Variants in ANLN observed in about 807,000 individuals in gnomAD.
ANLN encodes anillin.
Under a neutral mutation model 135.1 loss-of-function variants are expected in ANLN, and 59 were observed. That is an observed-to-expected ratio of 0.44 (90% CI 0.35 to 0.54). The LOEUF (loss-of-function observed/expected upper bound fraction) is 0.54. Ranked by LOEUF, ANLN falls within the 20% of genes least tolerant of loss-of-function variation. ANLN has a pLI of 0.00. For synonymous variants in ANLN, 406 were observed against 456.4 expected, an observed-to-expected ratio of 0.89 and a Z score of 1.41; for missense variants, 1,182 against 1,340.0, an observed-to-expected ratio of 0.88 and a Z score of 1.84.
chr7:36,399,581 A>T (rs2116528981), intron 3 of ANLN, among the ~76,000 whole-genome samples, 188 bp downstream of exon 3: 1 of 152,306 alleles, frequency 6.6e-6, no homozygotes, highest in East Asian at 1.9e-4. Context: ...ACTGAAGTAG[A>T]TCACGATGTG....
At position 36,431,561 on chromosome 7, in the gene ANLN, TTGTGTGTGTGTGTGTG is replaced by T. The variant is rs1186662720; in HGVS notation, c.2883+4555_2883+4570del. ...TATATGTGTGTATATATGTGTGTGT[TTGTGTGTGTGTGTGTG>T]TGTGTGTGTGTGTGTGTGTGTATAT... On this transcript the variant is annotated intron_variant, in intron 20 of 23. Transcript: ENST00000265748. 7.6e-3 allele frequency among the ~76,000 whole-genome samples: 575 copies of T among 76,032 alleles called. 2 individuals are homozygous for T. The highest frequency in any genetic ancestry group is 0.012 in the Non-Finnish European group (503 of 40,552). The allele number at this position is 76,032 out of a possible 152,430, so 49.9% of individuals were successfully genotyped here. A position where few individuals can be genotyped will look rare whatever the true frequency, so the allele number is the denominator to read the frequency against.
chr7:36,420,506 T>C, intron 11 of ANLN, 91 bp from the exon 12 acceptor site: 1 of 1,285,492 alleles, frequency 7.8e-7, no homozygotes, highest in Non-Finnish European at 1.1e-6. Flanking sequence ...ACATGTTCAA[T>C]ATCAGTGTCA....
chr7:36,423,991 A>G (rs1414642423), intron 15 of ANLN, 48 bp downstream of exon 15: 9 of 1,588,000 alleles, frequency 5.7e-6, no homozygotes, highest in Non-Finnish European at 7.7e-6. Flanking sequence ...TTCTTTTTGT[A>G]GAGTTGATAC....
intron 20 of ANLN, among the ~76,000 whole-genome samples, chr7:36,438,424 T>G (rs1398242391): frequency 6.6e-6 from 1 of 152,194 alleles, no homozygotes; most frequent in Admixed American, 6.5e-5. Context: ...CAGGCCAGAG[T>G]GCAGTGGCAT....
At chr7:36,431,101 G>T (rs1788291939) in intron 20 of ANLN, among the ~76,000 whole-genome samples, 1 of 152,084 alleles carries the variant, frequency 6.6e-6, no homozygotes. Flanking sequence ...CATGCTCTGT[G>T]CTAAACAATG....
Position 36,422,724 on chromosome 7 carries a change from T to G in ANLN, c.2391T>G (p.Phe797Leu). The stretch of plus-strand genomic sequence containing the variant: ...ATAAGGCTAGTCCCCAAAGTGAATT[T>G]ATGCCATCCAAAGGATCAGTTACTT... ...RKNKASPQSE[F>L]MPSKGSVTLS... is the part of the protein sequence containing the mutation. The change falls in exon 14 of 24, where the codon TTT (phenylalanine) becomes TTG (leucine). Residue 797 changes from phenylalanine (F) to leucine (L), a missense_variant. By Grantham distance (22) the Phe-to-Leu change is conservative. Around this residue, in one of 3 missense-constraint regions of ANLN, gnomAD observed 1,022 missense variants for 1,134.0 expected, o/e 0.90. Coordinates refer to ENST00000265748, the MANE Select transcript of ANLN (RefSeq NM_018685.5). 6.2e-7 allele frequency: 1 copy of G among 1,613,650 alleles called. No individual in the cohort carries two copies. Among genetic ancestry groups the G allele is most frequent in the South Asian group, 1.1e-5 (1 of 91,000 alleles).
At chr7:36,440,145 T>C (rs2116779251) in intron 21 of ANLN, among the ~76,000 whole-genome samples, 1 of 152,226 alleles carries the variant, frequency 6.6e-6, no homozygotes, top group East Asian at 1.9e-4. Flanking sequence ...GACAGACATT[T>C]AGTAGAGGTA....
At chr7:36,420,121 GA>G (rs749498373) in intron 10 of ANLN, 47 bp from the exon 11 acceptor site, 2 of 1,551,746 alleles carry the variant, frequency 1.3e-6, no homozygotes, top group South Asian at 1.2e-5. Flanking sequence ...AGAATAAAAT[GA>G]ATTATCATTT....
intron 21 of ANLN, among the ~76,000 whole-genome samples, chr7:36,439,517 C>G (rs1039734271): frequency 2.6e-5 from 4 of 152,144 alleles, no homozygotes; most frequent in African/African-American, 9.7e-5. Flanking sequence ...GAAATACAAA[C>G]GAACAGACAA....
chr7:36,405,353 T>C (rs560620236), intron 3 of ANLN, among the ~76,000 whole-genome samples: 15 of 152,230 alleles, frequency 9.9e-5, no homozygotes, highest in African/African-American at 1.4e-4. Flanking sequence ...AACTCATGAC[T>C]GTGCTTATGT....
intron 20 of ANLN, among the ~76,000 whole-genome samples, chr7:36,431,633 T>TATATATATATATA (rs1788334910): frequency 3.7e-5 from 5 of 136,550 alleles, no homozygotes; most frequent in African/African-American, 1.1e-4. Context: ...TATATATATA[T>TATATATATATATA]TACCATTTTA....
intron 21 of ANLN, 93 bp from the exon 22 acceptor site, chr7:36,443,662 C>A: frequency 1.4e-6 from 1 of 701,396 alleles, no homozygotes; most frequent in Non-Finnish European, 2.4e-6. Context: ...TGAAATATGT[C>A]AACATACTAC....
At chr7:36,391,905 T>C (rs1488475083) in intron 1 of ANLN, among the ~76,000 whole-genome samples, 2 of 152,094 alleles carry the variant, frequency 1.3e-5, no homozygotes, top group Non-Finnish European at 2.9e-5. Flanking sequence ...TGTTCTGCAT[T>C]GGTCTTCCTC....
chr7:36,432,340 T>G (rs562062991), intron 20 of ANLN, among the ~76,000 whole-genome samples: 25 of 152,306 alleles, frequency 1.6e-4, no homozygotes, highest in African/African-American at 5.3e-4. Flanking sequence ...AGAAGCTGCT[T>G]CTTCTGTTGT....
At chr7:36,417,674 C>CT (rs70977138) in intron 9 of ANLN, among the ~76,000 whole-genome samples, 26,352 of 97,114 alleles carry the variant, frequency 0.27, 4,663 homozygotes, top group Non-Finnish European at 0.32. Flanking sequence ...CTCAAACTTC[C>CT]TTTTTTTTTT....
In ANLN at chr7:36,420,274, G is replaced by A. The variant is rs1230106586; in HGVS notation, c.1975G>A (p.Gly659Ser). ...AACTCGTGTCCCTCGAGCTGAATCT[G>A]GTGATAGCCTTGGTTCTGAAGATCG... ...QRTRVPRAESGDSLGSEDRDL... is the reference protein window; with the variant it reads ...QRTRVPRAESSDSLGSEDRDL... Residue 659 changes from glycine (G) to serine (S), a missense_variant, in exon 11 of 24, where the codon GGT (glycine) becomes AGT (serine). Gly to Ser is a moderately conservative substitution (Grantham distance 56). This residue lies in a region of ANLN where 1,022 missense variants were observed against 1,134.0 expected (regional missense o/e 0.90). Transcript: ENST00000265748. 2.5e-6 allele frequency: 4 copies of A among 1,613,966 alleles called. No individual in the cohort carries two copies. The highest frequency in any genetic ancestry group is 3.4e-6 in the Non-Finnish European group (4 of 1,179,986).
At chr7:36,399,942 G>T (rs1786870508) in intron 3 of ANLN, among the ~76,000 whole-genome samples, 1 of 151,244 alleles carries the variant, frequency 6.6e-6, no homozygotes, top group African/African-American at 2.4e-5. Flanking sequence ...ATGCAACAGG[G>T]TTATTTATGG....
intron 19 of ANLN, among the ~76,000 whole-genome samples, chr7:36,426,410 C>T (rs1048929348): frequency 6.6e-6 from 1 of 152,206 alleles, no homozygotes; most frequent in Non-Finnish European, 1.5e-5. Context: ...ATGCATCTTT[C>T]TAGTTCACTG....
At chr7:36,400,906 G>C (rs1330103059) in intron 3 of ANLN, among the ~76,000 whole-genome samples, 2 of 152,118 alleles carry the variant, frequency 1.3e-5, no homozygotes, top group African/African-American at 4.8e-5. Context: ...AGCCAGAATT[G>C]AGATCAAGTG....
Sources: gnomAD v4.1 joint callset for allele counts (sites outside exome capture counted in the v4.1 genomes callset) on GRCh38, gnomAD v4.1.1 for gene constraint, gnomAD v4.1.1 regional missense constraint, MANE v1.5 for transcripts, NCBI Gene and HGNC (gene_info 2026-07-23, HGNC 2026-07-21) for gene names.